The following OSBPL10 variants were observed in gnomAD, a reference collection of about 807,000 sequenced individuals.
The protein encoded by OSBPL10 is oxysterol-binding protein-related protein 10.
OSBPL10 carries 49 observed loss-of-function variants against 81.7 expected under a neutral mutation model. The ratio of observed to expected loss-of-function variants is 0.60; its 90% confidence interval spans 0.48 to 0.76. The LOEUF is 0.76. Among genes scored for constraint, OSBPL10 ranks in the 30% least tolerant of loss-of-function variants. The probability of loss-of-function intolerance (pLI) is 0.00; values close to 1 mark genes in which losing one functional copy is unlikely to be tolerated. For missense variants in OSBPL10, 923 were observed against 987.8 expected (o/e 0.93, Z 0.88); for synonymous variants, 419 against 383.6 (o/e 1.09, Z -1.08).
intron 4 of OSBPL10, chr3:31,795,134 CTTTTTTTTTTTTTTT>C (rs537149885): frequency 2.8e-5 from 2 of 71,454 alleles, no homozygotes; most frequent in South Asian, 8.3e-4. Context: ...TTCATAAAAC[CTTTTTTTTTTTTTTT>C]TTTTTTTTTT....
intron 4 of OSBPL10, among the ~76,000 whole-genome samples, chr3:31,813,697 G>T (rs757695127): frequency 6.6e-6 from 1 of 152,184 alleles, no homozygotes. Flanking sequence ...GCCTTGTTAA[G>T]AGAGGGCTCC....
chr3:31,902,587 G>A (rs1204401234), intron 1 of OSBPL10, among the ~76,000 whole-genome samples: 1 of 151,874 alleles, frequency 6.6e-6, no homozygotes, highest in Non-Finnish European at 1.5e-5. Context: ...TTTTGAGACA[G>A]AGTCTTGCTC....
At chr3:31,772,516 T>A (rs114435096) in intron 4 of OSBPL10, among the ~76,000 whole-genome samples, 2,688 of 152,302 alleles carry the variant, frequency 0.018, 70 homozygotes, top group African/African-American at 0.06. Context: ...CCAAAAGTGG[T>A]AAGCCGTTTG....
intron 4 of OSBPL10, among the ~76,000 whole-genome samples, chr3:31,803,087 A>T (rs1699430462): frequency 6.7e-6 from 1 of 150,370 alleles, no homozygotes; most frequent in Non-Finnish European, 1.5e-5. Context: ...CCCCTGAATA[A>T]TTTTTTGTGA....
intron 3 of OSBPL10, among the ~76,000 whole-genome samples, chr3:31,844,017 A>C (rs886788763): frequency 2.0e-5 from 3 of 152,212 alleles, no homozygotes; most frequent in African/African-American, 7.2e-5. Context: ...GCTGATGAGC[A>C]GAGTAGTACA....
At chr3:31,890,645 TCG>T (rs1180246888) in intron 1 of OSBPL10, among the ~76,000 whole-genome samples, 2 of 152,132 alleles carry the variant, frequency 1.3e-5, no homozygotes, top group Non-Finnish European at 2.9e-5. Flanking sequence ...ATGATGAGAC[TCG>T]ATCTGCTTTT....
chr3:31,917,170 A>G (rs1696780564), intron 1 of OSBPL10, among the ~76,000 whole-genome samples: 1 of 152,136 alleles, frequency 6.6e-6, no homozygotes, highest in East Asian at 1.9e-4. Flanking sequence ...CGGTGCCCAC[A>G]CTAGGCCCCA....
At chr3:31,855,118 C>T (rs552537284) in intron 3 of OSBPL10, among the ~76,000 whole-genome samples, 100 of 152,298 alleles carry the variant, frequency 6.6e-4, no homozygotes, top group African/African-American at 2.3e-3. Context: ...CTCCAACTCT[C>T]GGACTCAAGG....
Position 32,014,481 on chromosome 3 carries a change from C to T in OSBPL10, n.298+32010G>A, listed in dbSNP as rs533950112. Among the ~76,000 whole-genome samples, 28 of 152,212 alleles carry T rather than the reference C, an allele frequency of 1.8e-4. No individual in the cohort carries two copies. In the South Asian group the frequency reaches 5.6e-3, roughly 30 times the overall value. ...AGAGCTATCTATGACAAACCCACAG[C>T]CAATATCATACTGAATGGGCAAAAA... On this transcript the variant is annotated intron_variant and non_coding_transcript_variant, in intron 2 of 3. Coordinates refer to the OSBPL10 transcript ENST00000479173.
At chr3:31,664,341 C>G in intron 10 of OSBPL10, 109 bp from the exon 11 acceptor site, 5 of 1,150,572 alleles carry the variant, frequency 4.3e-6, no homozygotes, top group Non-Finnish European at 6.2e-6. Flanking sequence ...GGCAAGCCCC[C>G]TCTGGGGTAG....
intron 1 of OSBPL10, among the ~76,000 whole-genome samples, chr3:31,972,996 G>A (rs1034930704): frequency 6.6e-6 from 1 of 152,076 alleles, no homozygotes; most frequent in African/African-American, 2.4e-5. Flanking sequence ...CATTTTCTGG[G>A]CTGTGACCAT....
rs539885522 is a variant in OSBPL10 at position 31,882,959 on chromosome 3, C to T, written c.282-3129G>A. On this transcript the variant is annotated intron_variant, in intron 1 of 11. Transcript: ENST00000396556. Reference sequence around the variant, plus strand: ...TTAATGTGGGGCAAAAACCAAACTCCCTCAATGAGAGAAGAACCAGGGTAA... The same window carrying T: ...TTAATGTGGGGCAAAAACCAAACTCTCTCAATGAGAGAAGAACCAGGGTAA... Among the ~76,000 whole-genome samples, 5 of 152,270 alleles carry T rather than the reference C, an allele frequency of 3.3e-5. No homozygotes were observed. In the East Asian group the frequency reaches 9.7e-4, roughly 29 times the overall value.
intron 11 of OSBPL10, chr3:31,662,723 T>C: frequency 1.0e-6 from 1 of 985,494 alleles, no homozygotes; most frequent in Non-Finnish European, 1.2e-6. Context: ...GTTATGGGCA[T>C]ACTGGCTTTT....
At chr3:31,872,790 T>C (rs9811081) in intron 3 of OSBPL10, among the ~76,000 whole-genome samples, 64,958 of 151,736 alleles carry the variant, frequency 0.43, 15,605 homozygotes, top group African/African-American at 0.66. Flanking sequence ...CCCAGCTAAT[T>C]TTTTTCATAT....
intron 6 of OSBPL10, chr3:31,717,240 G>A (rs1378846133): frequency 6.6e-6 from 1 of 152,100 alleles, no homozygotes; most frequent in Non-Finnish European, 1.5e-5. Flanking sequence ...AGTCTTTAAG[G>A]GATAAAATCA....
At chr3:31,826,290 TTC>T (rs1330493763) in intron 4 of OSBPL10, among the ~76,000 whole-genome samples, 1 of 152,228 alleles carries the variant, frequency 6.6e-6, no homozygotes, top group African/African-American at 2.4e-5. Flanking sequence ...TTCTGATAAT[TTC>T]ACAAACAGTT....
chr3:31,783,146 T>TATATATATATACAC lies in OSBPL10; in HGVS notation c.730-35027_730-35026insGTGTATATATATAT, dbSNP rs1485968747. On this transcript the variant is annotated intron_variant, in intron 4 of 11. Transcript: ENST00000396556. Reference sequence around the variant, plus strand: ...ATATATATATATATATATATATATATACACACACACCATAGAATACTACTC... The same window carrying TATATATATATACAC: ...ATATATATATATATATATATATATATATATATATATACACACACACACACCATAGAATACTACTC... 8.1e-4 allele frequency among the ~76,000 whole-genome samples: 91 copies of TATATATATATACAC among 112,912 alleles called. 1 individual carries two copies. The highest frequency in any genetic ancestry group is 3.3e-3 in the African/African-American group (86 of 25,944). The allele number at this position is 112,912 out of a possible 152,430, so 74.1% of individuals were successfully genotyped here.
chr3:31,905,344 G>GTTTTTTTTTTTTTTTTTTTT (rs1575608407), intron 1 of OSBPL10, among the ~76,000 whole-genome samples: 7 of 70,710 alleles, frequency 9.9e-5, no homozygotes, highest in East Asian at 5.3e-4. Context: ...GGAACCTGGT[G>GTTTTTTTTTTTTTTTTTTTT]ATTTTTTTTT....
chr3:32,018,169 A>C (rs1027576332), intron 2 of OSBPL10, among the ~76,000 whole-genome samples: 10 of 150,884 alleles, frequency 6.6e-5, no homozygotes, highest in African/African-American at 9.8e-5. Context: ...TAAATAAATA[A>C]ATAAATAAAT....
Sources: allele counts gnomAD v4.1 joint callset (sites outside exome capture counted in the v4.1 genomes callset), GRCh38; gene constraint gnomAD v4.1.1; transcripts MANE v1.5; gene names NCBI Gene and HGNC (gene_info 2026-07-23, HGNC 2026-07-21).